The following GRID1 variants were observed in gnomAD, a reference collection of about 807,000 sequenced individuals.
GRID1 encodes glutamate receptor ionotropic, delta-1.
A neutral mutation model predicts 98.0 loss-of-function variants in GRID1; 28 were observed. The observed-to-expected ratio is 0.29, with a 90% CI of 0.21 to 0.39. The LOEUF is 0.39. Among genes scored for constraint, GRID1 ranks in the 10% least tolerant of loss-of-function variants. GRID1 has a pLI of 1.00. For synonymous variants in GRID1, 553 were observed against 538.5 expected (o/e 1.03, Z -0.37); for missense variants, 1,111 against 1,340.5 (o/e 0.83, Z 2.67).
intron 8 of GRID1, among the ~76,000 whole-genome samples, chr10:85,751,540 T>C (rs1215851918): frequency 2.0e-5 from 3 of 152,096 alleles, no homozygotes; most frequent in Admixed American, 6.6e-5. Flanking sequence ...TTTCGTCACA[T>C]GGAAGAGGAA....
Position 86,337,793 on chromosome 10 carries a change from G to C in GRID1, c.235+26148C>G, listed in dbSNP as rs1454845822. 2.2e-5 allele frequency among the ~76,000 whole-genome samples: 3 copies of C among 134,812 alleles called. No individual in the cohort carries two copies. The Admixed American group carries it at 2.4e-4, about 11-fold the overall frequency. 88.4% of individuals were successfully genotyped at this position (134,812 alleles called of 152,430 possible). A position where few individuals can be genotyped will look rare whatever the true frequency, so the allele number is the denominator to read the frequency against. On this transcript the variant is annotated intron_variant, in intron 2 of 15. Coordinates refer to ENST00000327946, the MANE Select transcript of GRID1 (RefSeq NM_017551.3). ...CATGATCTCGGCTCACTGAAACCTC[G>C]GTCTCCCAGGTTCAAGTGATTCTCC...
chr10:85,831,669 A>T (rs990614029), intron 8 of GRID1, among the ~76,000 whole-genome samples: 1 of 152,250 alleles, frequency 6.6e-6, no homozygotes, highest in Admixed American at 6.5e-5. Flanking sequence ...AAACGACTAG[A>T]AAAACTTCTA....
At chr10:86,035,969 C>T (rs970619779) in intron 4 of GRID1, among the ~76,000 whole-genome samples, 1 of 152,154 alleles carries the variant, frequency 6.6e-6, no homozygotes. Context: ...CTGCAGCCCA[C>T]CTCAAGTGGA....
chr10:85,687,553 C>T (rs1841283787), intron 12 of GRID1, among the ~76,000 whole-genome samples: 1 of 151,780 alleles, frequency 6.6e-6, no homozygotes, highest in South Asian at 2.1e-4. Flanking sequence ...TTGCTGGAGC[C>T]CAGGAGATTG....
At chr10:86,187,375 T>C (rs1232352371) in intron 3 of GRID1, among the ~76,000 whole-genome samples, 1 of 152,164 alleles carries the variant, frequency 6.6e-6, no homozygotes, top group Non-Finnish European at 1.5e-5. Flanking sequence ...ATGGAGACAT[T>C]GAGTACCTCA....
At chr10:85,833,633 A>C (rs1842888616) in intron 8 of GRID1, among the ~76,000 whole-genome samples, 1 of 152,184 alleles carries the variant, frequency 6.6e-6, no homozygotes, top group Admixed American at 6.5e-5. Context: ...ATAAGAAAAA[A>C]TGATCAACTG....
At chr10:86,016,178 G>T (rs897042359) in intron 4 of GRID1, among the ~76,000 whole-genome samples, 2 of 142,984 alleles carry the variant, frequency 1.4e-5, no homozygotes, top group Non-Finnish European at 3.0e-5. Flanking sequence ...ACAGAGTCTC[G>T]CTCTGTTGCC....
intron 4 of GRID1, among the ~76,000 whole-genome samples, chr10:86,135,335 G>A (rs1235272167): frequency 6.6e-6 from 1 of 152,162 alleles, no homozygotes. Context: ...GGGCTCCAAG[G>A]TCAAGCTCAA....
intron 8 of GRID1, among the ~76,000 whole-genome samples, chr10:85,780,039 T>A (rs1842367456): frequency 6.6e-6 from 1 of 152,178 alleles, no homozygotes; most frequent in Non-Finnish European, 1.5e-5. Context: ...CACTAGCCCA[T>A]GTCATGTGCT....
rs7080328 is a variant in GRID1 at position 86,235,162 on chromosome 10, A to C, written c.236-28514T>G. ...CTCCTCAAATATTCAGGCCCTGGAGAAGGCCCAGTCCCAACCTCCTAGTCC... is the reference window on the plus strand; with the variant it reads ...CTCCTCAAATATTCAGGCCCTGGAGCAGGCCCAGTCCCAACCTCCTAGTCC... On this transcript the variant is annotated intron_variant, in intron 2 of 15. Coordinates refer to ENST00000327946, the MANE Select transcript of GRID1 (RefSeq NM_017551.3). Among the ~76,000 whole-genome samples, 516 of 152,256 alleles carry C rather than the reference A, an allele frequency of 3.4e-3. 1 individual carries two copies. Among genetic ancestry groups the C allele is most frequent in the African/African-American group, 0.011 (463 of 41,546 alleles).
intron 2 of GRID1, among the ~76,000 whole-genome samples, chr10:86,265,748 G>A (rs1847094400): frequency 6.6e-6 from 1 of 152,194 alleles, no homozygotes; most frequent in Non-Finnish European, 1.5e-5. Flanking sequence ...CAGGCAAGAG[G>A]AAATCAACAT....
chr10:86,256,521 C>G (rs938711342), intron 2 of GRID1, among the ~76,000 whole-genome samples: 21 of 152,148 alleles, frequency 1.4e-4, no homozygotes, highest in Admixed American at 2.0e-4. Context: ...TAAACTCACC[C>G]TGTTGGCAAG....
chr10:85,951,235 A>G (rs1317289746), intron 4 of GRID1, among the ~76,000 whole-genome samples: 1 of 152,132 alleles, frequency 6.6e-6, no homozygotes, highest in East Asian at 1.9e-4. Flanking sequence ...AGGGCAAGGG[A>G]TTTTTGTCTG....
chr10:85,633,872 A>C (rs1482042465), intron 13 of GRID1, among the ~76,000 whole-genome samples: 1 of 152,082 alleles, frequency 6.6e-6, no homozygotes, highest in Non-Finnish European at 1.5e-5. Flanking sequence ...AAAGAACCAT[A>C]AAAGTTTACT....
intron 2 of GRID1, among the ~76,000 whole-genome samples, chr10:86,238,223 AC>A (rs1201439826): frequency 6.6e-6 from 1 of 152,214 alleles, no homozygotes; most frequent in Non-Finnish European, 1.5e-5. Flanking sequence ...CATTTCAGAG[AC>A]CTTTGCAGCA....
chr10:85,696,467 T>C (rs1000894168), intron 12 of GRID1, among the ~76,000 whole-genome samples: 1 of 152,032 alleles, frequency 6.6e-6, no homozygotes, highest in African/African-American at 2.4e-5. Context: ...CAGAAAACTA[T>C]TCATGATGTT....
rs200856398 is a variant in GRID1, at chr10:86,311,606, A to C, written c.235+52335T>G. Among the ~76,000 whole-genome samples, 114 of 152,348 alleles carry C rather than the reference A, an allele frequency of 7.5e-4. 2 individuals are homozygous for C. The East Asian group carries it at 0.022, about 29-fold the overall frequency. Reference sequence around the variant, plus strand: ...AACACTGGGATGCCAGAGTGGAAAAAAAAAAATGCACTGCTGCCTTTCTTT... The same window carrying C: ...AACACTGGGATGCCAGAGTGGAAAACAAAAAATGCACTGCTGCCTTTCTTT... On this transcript the variant is annotated intron_variant, in intron 2 of 15. Coordinates refer to ENST00000327946, the MANE Select transcript of GRID1 (RefSeq NM_017551.3).
intron 4 of GRID1, among the ~76,000 whole-genome samples, chr10:85,985,688 T>C (rs1230125038): frequency 6.6e-6 from 1 of 152,196 alleles, no homozygotes; most frequent in Non-Finnish European, 1.5e-5. Flanking sequence ...CTCCCCTGTA[T>C]GTCCCCACTG....
chr10:86,180,307 A>T (rs1589400537), intron 3 of GRID1, among the ~76,000 whole-genome samples: 2 of 152,100 alleles, frequency 1.3e-5, no homozygotes, highest in South Asian at 4.1e-4. Context: ...TTTTACCGAC[A>T]AATGGCATAG....
Sources: allele counts gnomAD v4.1 joint callset (sites outside exome capture counted in the v4.1 genomes callset), GRCh38; gene constraint gnomAD v4.1.1; transcripts MANE v1.5; gene names NCBI Gene and HGNC (gene_info 2026-07-23, HGNC 2026-07-21).